The following SGMS1 variants were observed in gnomAD, a reference collection of about 807,000 sequenced individuals.
SGMS1 encodes the protein phosphatidylcholine:ceramide cholinephosphotransferase 1.
In SGMS1, 13 loss-of-function variants were observed where a neutral mutation model predicts 46.2. The ratio of observed to expected loss-of-function variants is 0.28; its 90% confidence interval spans 0.18 to 0.45. The LOEUF (loss-of-function observed/expected upper bound fraction) is 0.45. Among genes scored for constraint, SGMS1 ranks in the 20% least tolerant of loss-of-function variants. SGMS1 has a pLI of 1.00. For synonymous variants in SGMS1, 203 were observed against 187.8 expected (o/e 1.08, Z -0.66); for missense variants, 324 against 519.9 (o/e 0.62, Z 3.66).
chr10:50,418,345 T>G (rs1849207025), intron 6 of SGMS1: 1 of 152,224 alleles, frequency 6.6e-6, no homozygotes, highest in Non-Finnish European at 1.5e-5. Flanking sequence ...GCCGATCCTC[T>G]CCCGGGGGGT....
At chr10:50,458,561 G>T (rs913253452) in intron 5 of SGMS1, among the ~76,000 whole-genome samples, 2 of 151,298 alleles carry the variant, frequency 1.3e-5, no homozygotes, top group Admixed American at 1.3e-4. Flanking sequence ...GGGTTTCACC[G>T]TGTTAGCCAT....
intron 1 of SGMS1, among the ~76,000 whole-genome samples, chr10:50,620,079 C>T (rs959516134): frequency 1.3e-5 from 2 of 152,234 alleles, no homozygotes; most frequent in Admixed American, 1.3e-4. Flanking sequence ...CCATTCAATG[C>T]AGCTTTACTG....
chr10:50,351,007 A>G (rs1848001846), intron 6 of SGMS1, among the ~76,000 whole-genome samples: 1 of 152,184 alleles, frequency 6.6e-6, no homozygotes, highest in Non-Finnish European at 1.5e-5. Context: ...GCCACACTCA[A>G]TGCCAGTCCA....
chr10:50,310,247 C>G (rs1847233433), intron 9 of SGMS1, among the ~76,000 whole-genome samples: 1 of 152,192 alleles, frequency 6.6e-6, no homozygotes, highest in African/African-American at 2.4e-5. Flanking sequence ...GGCAAAGCAT[C>G]TCCCTCCTCT....
intron 2 of SGMS1, among the ~76,000 whole-genome samples, chr10:50,547,578 T>C (rs890887250): frequency 5.9e-5 from 9 of 152,214 alleles, no homozygotes; most frequent in African/African-American, 1.7e-4. Flanking sequence ...AAAAGCCCAG[T>C]ACCATATAGA....
chr10:50,562,669 G>A (rs369220912), intron 2 of SGMS1, among the ~76,000 whole-genome samples: 1 of 152,052 alleles, frequency 6.6e-6, no homozygotes, highest in Non-Finnish European at 1.5e-5. Flanking sequence ...TCAGCCTCCC[G>A]AGTAGCTGGG....
intron 5 of SGMS1, among the ~76,000 whole-genome samples, chr10:50,435,043 G>A (rs1849457333): frequency 1.3e-5 from 2 of 152,122 alleles, no homozygotes; most frequent in Non-Finnish European, 2.9e-5. Context: ...ACACTAAGAG[G>A]AACAGATTCA....
intron 6 of SGMS1, among the ~76,000 whole-genome samples, chr10:50,386,033 T>C (rs1241983451): frequency 6.6e-6 from 1 of 152,110 alleles, no homozygotes; most frequent in Admixed American, 6.6e-5. Flanking sequence ...CTGTTGTACT[T>C]GAGTTTAGAT....
chr10:50,622,692 A>C (rs936531603), intron 1 of SGMS1, among the ~76,000 whole-genome samples: 2 of 152,240 alleles, frequency 1.3e-5, no homozygotes, highest in Non-Finnish European at 2.9e-5. Flanking sequence ...ACATCTGAGA[A>C]GCACCTGCCT....
chr10:50,576,008 C>A (rs180697618), intron 2 of SGMS1, among the ~76,000 whole-genome samples: 1 of 152,162 alleles, frequency 6.6e-6, no homozygotes. Context: ...CCAACCTCAG[C>A]GGCATCTGCC....
intron 4 of SGMS1, among the ~76,000 whole-genome samples, chr10:50,463,443 A>G (rs973132004): frequency 3.9e-5 from 6 of 152,228 alleles, no homozygotes; most frequent in African/African-American, 1.4e-4. Context: ...TCATCAGGAA[A>G]ATGCAAATCA....
chr10:50,356,094 C>T (rs995417866), intron 6 of SGMS1, among the ~76,000 whole-genome samples: 2 of 152,118 alleles, frequency 1.3e-5, no homozygotes, highest in Admixed American at 6.5e-5. Context: ...GCCATGATGA[C>T]GATGCAGTTT....
chr10:50,572,492 AG>A lies in SGMS1; in HGVS notation c.-589+17660del, dbSNP rs1227789612. Among the ~76,000 whole-genome samples the A allele has an allele frequency of 1.1e-4, 16 of 151,828 alleles. No homozygotes were observed. In the East Asian group the frequency reaches 2.7e-3, roughly 26 times the overall value. On this transcript the variant is annotated intron_variant, in intron 2 of 10. Coordinates refer to ENST00000361781, the MANE Select transcript of SGMS1 (RefSeq NM_147156.4). ...TCAAGGTCTCTTCAGTTGTTATGGG[AG>A]GGGAGGTAGGAGATGGGTTGGGGGA... is the stretch of plus-strand genomic sequence containing the variant.
At chr10:50,527,734 C>T (rs189593170) in intron 2 of SGMS1, among the ~76,000 whole-genome samples, 51 of 152,244 alleles carry the variant, frequency 3.3e-4, no homozygotes, top group East Asian at 2.3e-3. Context: ...TTAAGCACTC[C>T]GTAGCAACCC....
chr10:50,486,507 A>G (rs968874814), intron 3 of SGMS1, among the ~76,000 whole-genome samples: 1 of 152,236 alleles, frequency 6.6e-6, no homozygotes, highest in Non-Finnish European at 1.5e-5. Context: ...GGCAAAGGAC[A>G]TGAATAAACA....
chr10:50,409,840 C>T (rs1849072423), intron 6 of SGMS1, among the ~76,000 whole-genome samples: 3 of 152,196 alleles, frequency 2.0e-5, no homozygotes, highest in Non-Finnish European at 4.4e-5. Flanking sequence ...AGGAAAGTAC[C>T]ACAGGCTCTG....
intron 2 of SGMS1, among the ~76,000 whole-genome samples, chr10:50,528,986 T>C (rs1477001649): frequency 6.6e-6 from 1 of 152,218 alleles, no homozygotes; most frequent in Non-Finnish European, 1.5e-5. Flanking sequence ...AATTTACAAA[T>C]TGCTATAGCT....
intron 2 of SGMS1, among the ~76,000 whole-genome samples, chr10:50,567,726 C>T (rs1228804821): frequency 6.6e-6 from 1 of 152,142 alleles, no homozygotes; most frequent in Non-Finnish European, 1.5e-5. Flanking sequence ...TTAGACACAT[C>T]ACAAAGTGAG....
At chr10:50,565,513 A>C (rs1838279967) in intron 2 of SGMS1, among the ~76,000 whole-genome samples, 2 of 152,202 alleles carry the variant, frequency 1.3e-5, no homozygotes, top group South Asian at 2.1e-4. Flanking sequence ...TCTGGAAAGA[A>C]GTGGTTAAGG....
Sources: allele counts gnomAD v4.1 joint callset (sites outside exome capture counted in the v4.1 genomes callset), GRCh38; gene constraint gnomAD v4.1.1; transcripts MANE v1.5; gene names NCBI Gene and HGNC (gene_info 2026-07-23, HGNC 2026-07-21).